The following RPL28 variants were observed in gnomAD, a reference collection of about 807,000 sequenced individuals.
RPL28 encodes the protein large ribosomal subunit protein eL28.
In RPL28, 4 loss-of-function variants were observed where a neutral mutation model predicts 12.5. The observed-to-expected ratio is 0.32, with a 90% confidence interval of 0.16 to 0.73. RPL28 has a LOEUF of 0.73. Among genes scored for constraint, RPL28 ranks in the 30% least tolerant of loss-of-function variants. The pLI, the probability that RPL28 is intolerant of heterozygous loss-of-function variation, is 0.66. For synonymous variants in RPL28, 91 were observed against 72.5 expected (o/e 1.26, Z -1.30); for missense variants, 214 against 197.7 (o/e 1.08, Z -0.49).
Position 55,390,154 on chromosome 19 carries a change from A to C in RPL28, c.*1822A>C, listed in dbSNP as rs2089976938. 1.3e-5 allele frequency: 13 copies of C among 985,436 alleles called. No homozygotes were observed. Among genetic ancestry groups the C allele is most frequent in the Non-Finnish European group, 1.6e-5 (13 of 829,942 alleles). 61.0% of individuals were successfully genotyped at this position (985,436 alleles called of 1,614,324 possible). ...ACACCAGCATATAATGAGATGCTTG[A>C]TGAATGGTGCATATTGAATGTATAA... On this transcript the variant is annotated 3_prime_UTR_variant, in exon 5 of 5. Coordinates refer to ENST00000344063, the MANE Select transcript of RPL28 (RefSeq NM_000991.5).
rs376890167 is a variant in RPL28 at position 55,386,707 on chromosome 19, G to C, written c.205+14G>C. ...AGCGGAGATCCGGTGAGTTTTGTCT[G>C]GTTTGGGCCAGAGAGCGGCCCCTTT... is the stretch of plus-strand genomic sequence containing the variant. On this transcript the variant is annotated intron_variant, in intron 3 of 4. Coordinates refer to ENST00000344063, the MANE Select transcript of RPL28 (RefSeq NM_000991.5). 50 of 1,613,844 alleles carry C rather than the reference G, an allele frequency of 3.1e-5. No homozygotes were observed. The highest frequency in any genetic ancestry group is 4.2e-5 in the Non-Finnish European group (50 of 1,179,878).
At chr19:55,387,290 G>A (rs1446616803) in intron 3 of RPL28, 1 of 1,551,682 alleles carries the variant, frequency 6.4e-7, no homozygotes, top group East Asian at 2.4e-5. Flanking sequence ...TTTAGAGTGA[G>A]TTTTTCTCAG....
At position 55,388,704 on chromosome 19, in the gene RPL28, C is replaced by G. The variant is rs780549544; in HGVS notation, c.*372C>G. 74 of 1,048,724 alleles carry G rather than the reference C, an allele frequency of 7.1e-5. 1 individual carries two copies. The Middle Eastern group carries it at 3.5e-3, about 49-fold the overall frequency. 65.0% of individuals were successfully genotyped at this position (1,048,724 alleles called of 1,614,324 possible). A position where few individuals can be genotyped will look rare whatever the true frequency, so the allele number is the denominator to read the frequency against. ...GAAGGGTGCAGGCTGAGGGCTGGGC[C>G]CTGGGCCCTGGTGCTGTAGCACGGT... On this transcript the variant is annotated 3_prime_UTR_variant, in exon 5 of 5. Coordinates refer to ENST00000344063, the MANE Select transcript of RPL28 (RefSeq NM_000991.5).
rs144579162 is a variant in RPL28 at position 55,401,730 on chromosome 19, G to C, written c.325-1213G>C. On this transcript the variant is annotated intron_variant, in intron 4 of 4. Coordinates refer to the RPL28 transcript ENST00000560055. Reference sequence around the variant, plus strand: ...CCGCCTCCTCGTTGAGTGCAGACTCGGGGTTAGGGTGGATCAGCAGGCACT... The same window carrying C: ...CCGCCTCCTCGTTGAGTGCAGACTCCGGGTTAGGGTGGATCAGCAGGCACT... The C allele has an allele frequency of 1.5e-5, 25 of 1,613,216 alleles. No individual in the cohort carries two copies. In the Admixed American group the frequency reaches 4.0e-4, roughly 26 times the overall value.
chr19:55,395,723 A>C (rs34796965), downstream of RPL28, among the ~76,000 whole-genome samples: 1 of 151,712 alleles, frequency 6.6e-6, no homozygotes, highest in Non-Finnish European at 1.5e-5. Flanking sequence ...GATTACAGGC[A>C]TGAGCCACCG....
In RPL28 at chr19:55,388,415, G is replaced by A; in HGVS notation, c.*83G>A. On this transcript the variant is annotated 3_prime_UTR_variant, in exon 5 of 5. Coordinates refer to ENST00000344063, the MANE Select transcript of RPL28 (RefSeq NM_000991.5). ...CTCCCTTTTTGAAACGCTCTGGGGA[G>A]CTCTGGCCCTGTGTGTTGTCATTCA... The A allele has an allele frequency of 7.2e-7, 1 of 1,397,486 alleles. No homozygotes were observed. Among genetic ancestry groups the A allele is most frequent in the Non-Finnish European group, 9.3e-7 (1 of 1,071,490 alleles). 86.6% of individuals were successfully genotyped at this position (1,397,486 alleles called of 1,614,324 possible).
At chr19:55,387,894 T>C in intron 3 of RPL28, 36 bp from the exon 4 acceptor site, 1 of 1,528,276 alleles carries the variant, frequency 6.5e-7, no homozygotes, top group South Asian at 1.3e-5. Flanking sequence ...GCAGGTTAGG[T>C]GGACTGACCC....
At chr19:55,386,823 C>T (rs747260943) in intron 3 of RPL28, 130 bp downstream of exon 3, 5 of 1,588,868 alleles carry the variant, frequency 3.1e-6, no homozygotes, top group Admixed American at 1.8e-5. Flanking sequence ...GGGTGTTGGT[C>T]TGGGTACCGG....
downstream of RPL28, among the ~76,000 whole-genome samples, chr19:55,395,695 G>T (rs376065657): frequency 0.014 from 2,158 of 151,092 alleles, 22 homozygotes; most frequent in Middle Eastern, 0.028. Context: ...TGCCCACCTT[G>T]GCCTCCCAAA....
At chr19:55,393,698 C>G (rs1216692322), downstream of RPL28, among the ~76,000 whole-genome samples, 1 of 146,192 alleles carries the variant, frequency 6.8e-6, no homozygotes, top group African/African-American at 2.6e-5. Context: ...AATGGCATGA[C>G]CTTGGCTCAC....
chr19:55,386,584 G>A lies in RPL28; in HGVS notation c.96G>A (p.Leu32=). 2 of 1,608,164 alleles carry A rather than the reference G, an allele frequency of 1.2e-6. No individual in the cohort carries two copies. The highest frequency in any genetic ancestry group is 1.7e-6 in the Non-Finnish European group (2 of 1,175,158). The change falls in exon 3 of 5, where the codon TTG becomes TTA. Residue 32 remains leucine (L), a synonymous_variant. Transcript: ENST00000344063. ...CTCCTTCCCAGGAGCCCAATAACTT[G>A]AAGGCCCGCAATTCCTTCCGCTACA... The part of the protein sequence containing the change: ...KQTYSTEPNN[L]KARNSFRYNG...
chr19:55,386,327 T>C, intron 1 of RPL28, 23 bp from the exon 2 acceptor site: 1 of 1,610,660 alleles, frequency 6.2e-7, no homozygotes, highest in Non-Finnish European at 8.5e-7. Context: ...TCTGACGCTT[T>C]CCCTGTGCCC....
At position 55,390,563 on chromosome 19, in the gene RPL28, G is replaced by T; in HGVS notation, c.*2231G>T. 1 of 985,618 alleles carries T rather than the reference G, an allele frequency of 1.0e-6. No homozygotes were observed. 61.1% of individuals were successfully genotyped at this position (985,618 alleles called of 1,614,324 possible). A position where few individuals can be genotyped will look rare whatever the true frequency, so the allele number is the denominator to read the frequency against. On this transcript the variant is annotated 3_prime_UTR_variant, in exon 5 of 5. Transcript: ENST00000344063. ...ACCTCCTTGCCTGCCCTGGAGGCTTGTGCCTCTAGGCCCCACCCCCTGTGG... is the reference window on the plus strand; with the variant it reads ...ACCTCCTTGCCTGCCCTGGAGGCTTTTGCCTCTAGGCCCCACCCCCTGTGG...
intron 3 of RPL28, chr19:55,387,250 C>T (rs1555905130): frequency 6.5e-7 from 1 of 1,541,084 alleles, no homozygotes; most frequent in Non-Finnish European, 8.8e-7. Context: ...TCCAGCTTCA[C>T]ATGTGTTCTT....
intron 4 of RPL28, chr19:55,402,829 T>C (rs575295020): frequency 5.8e-4 from 497 of 858,998 alleles, no homozygotes; most frequent in Non-Finnish European, 8.3e-4. Flanking sequence ...GGGGTCTGTT[T>C]ACCTTGGAGC....
chr19:55,394,329 G>A (rs1466422324), downstream of RPL28, among the ~76,000 whole-genome samples: 1 of 152,078 alleles, frequency 6.6e-6, no homozygotes, highest in Non-Finnish European at 1.5e-5. Context: ...GCACAATCTC[G>A]GCTCACTGCA....
intron 2 of RPL28, 55 bp from the exon 3 acceptor site, chr19:55,386,515 C>T (rs1200399488): frequency 6.2e-7 from 1 of 1,600,594 alleles, no homozygotes; most frequent in Non-Finnish European, 8.6e-7. Context: ...AGGGCGGGAC[C>T]TTCGCATGTC....
rs1056458463 is a variant in RPL28 at position 55,389,114 on chromosome 19, G to C, written c.*782G>C. Reference sequence around the variant, plus strand: ...CCCTCTTGTTTCCTTTGGCCTGTTTGCTCCCTAGTGTTTATTACAGCTTGT... The same window carrying C: ...CCCTCTTGTTTCCTTTGGCCTGTTTCCTCCCTAGTGTTTATTACAGCTTGT... On this transcript the variant is annotated 3_prime_UTR_variant, in exon 5 of 5. Transcript: ENST00000344063. The C allele has an allele frequency of 1.0e-6, 1 of 985,332 alleles. No homozygotes were observed. Among genetic ancestry groups the C allele is most frequent in the Admixed American group, 6.2e-5 (1 of 16,256 alleles). The allele number at this position is 985,332 out of a possible 1,614,324, so 61.0% of individuals were successfully genotyped here. A position where few individuals can be genotyped will look rare whatever the true frequency, so the allele number is the denominator to read the frequency against.
intron 3 of RPL28, chr19:55,386,984 TCAAAG>T (rs1460702672): frequency 5.5e-6 from 8 of 1,442,788 alleles, no homozygotes; most frequent in Non-Finnish European, 7.3e-6. Context: ...GATGAAATTC[TCAAAG>T]CAAGTCAGGG....
Sources: allele counts gnomAD v4.1 joint callset (sites outside exome capture counted in the v4.1 genomes callset), GRCh38; gene constraint gnomAD v4.1.1; transcripts MANE v1.5; gene names NCBI Gene and HGNC (gene_info 2026-07-23, HGNC 2026-07-21).